The following CPS1 variants were observed in gnomAD, a reference collection of about 807,000 sequenced individuals.
CPS1 encodes the protein carbamoyl-phosphate synthase [ammonia], mitochondrial.
In CPS1, 109 loss-of-function variants were observed where a neutral mutation model predicts 174.6. The ratio of observed to expected loss-of-function variants is 0.62; its 90% CI spans 0.53 to 0.73. CPS1 has a LOEUF of 0.73. CPS1 is among the 30% of genes least tolerant of loss of function. The pLI, the probability that CPS1 is intolerant of heterozygous loss-of-function variation, is 0.00. For synonymous variants in CPS1, 637 were observed against 632.0 expected, an observed-to-expected ratio of 1.01 and a Z score of -0.12; for missense variants, 1,689 against 1,821.9, an observed-to-expected ratio of 0.93 and a Z score of 1.33.
At chr2:210,599,340 A>C (rs778568418) in intron 13 of CPS1, 32 bp from the exon 14 acceptor site, 3 of 1,598,654 alleles carry the variant, frequency 1.9e-6, no homozygotes, top group Admixed American at 1.7e-5. Context: ...TAGACCATAT[A>C]TTCATGTACT....
intron 33 of CPS1, among the ~76,000 whole-genome samples, chr2:210,664,015 C>T (rs1450469294): frequency 2.6e-5 from 4 of 152,048 alleles, no homozygotes; most frequent in Non-Finnish European, 5.9e-5. Context: ...ATATGGTTGC[C>T]TGGTTACAAG....
At chr2:210,564,597 C>T (rs912819413) in intron 1 of CPS1, among the ~76,000 whole-genome samples, 7 of 151,962 alleles carry the variant, frequency 4.6e-5, no homozygotes, top group Admixed American at 1.3e-4. Context: ...AGGATGGTCT[C>T]GATCTCCTGA....
In CPS1 at chr2:210,648,533, G is replaced by A; in HGVS notation, c.3397G>A (p.Val1133Ile). Residue 1133 changes from valine (V) to isoleucine (I), a missense_variant, in exon 27 of 38, where the codon GTT becomes ATT. Physicochemically the swap from Val to Ile is conservative, Grantham distance 29. Coordinates refer to ENST00000233072, the MANE Select transcript of CPS1 (RefSeq NM_001875.5). ...CCCCTGCTTGTTGAGGCCTTCCTAT[G>A]TTTTGAGGTAACACTGTATATTGTT... ...DYPCLLRPSY[V>I]LSGSAMNVVF... is the part of the protein sequence containing the mutation. The A allele has an allele frequency of 1.9e-6, 3 of 1,613,202 alleles. No homozygotes were observed. Among genetic ancestry groups the A allele is most frequent in the Non-Finnish European group, 2.5e-6 (3 of 1,179,412 alleles).
At chr2:210,594,877 A>G (rs1304747895) in intron 12 of CPS1, among the ~76,000 whole-genome samples, 2 of 151,984 alleles carry the variant, frequency 1.3e-5, no homozygotes, top group Non-Finnish European at 2.9e-5. Flanking sequence ...TGTTTAGTTT[A>G]GAATTTATTT....
At chr2:210,500,389 A>G (rs1451895848) in intron 1 of CPS1, among the ~76,000 whole-genome samples, 2 of 152,190 alleles carry the variant, frequency 1.3e-5, no homozygotes. Flanking sequence ...CCAAAGTTTC[A>G]TCTGAGATAA....
intron 1 of CPS1, among the ~76,000 whole-genome samples, chr2:210,536,541 T>C (rs982070154): frequency 1.3e-5 from 2 of 152,248 alleles, no homozygotes; most frequent in African/African-American, 4.8e-5. Flanking sequence ...TTAGCCAGGA[T>C]GGCTACGATC....
intron 1 of CPS1, among the ~76,000 whole-genome samples, chr2:210,528,850 G>C (rs1696043275): frequency 6.8e-6 from 1 of 146,874 alleles, no homozygotes; most frequent in Non-Finnish European, 1.5e-5. Flanking sequence ...AGCTTCCTCG[G>C]AAAATTTGAC....
chr2:210,479,756 G>A (rs1694511477), intron 1 of CPS1, among the ~76,000 whole-genome samples: 1 of 152,166 alleles, frequency 6.6e-6, no homozygotes, highest in Admixed American at 6.5e-5. Context: ...AAATTTGACA[G>A]TTATAATTTT....
intron 5 of CPS1, 100 bp downstream of exon 5, chr2:210,579,870 G>A (rs1455668243): frequency 1.0e-6 from 1 of 958,298 alleles, no homozygotes; most frequent in Non-Finnish European, 1.7e-6. Context: ...CCATTAATAT[G>A]TAAAGGAGTG....
rs748546435 is a variant in CPS1, at chr2:210,579,697, C to A, written c.472-17C>A. 6.2e-6 allele frequency: 10 copies of A among 1,606,916 alleles called. No individual in the cohort carries two copies. Among genetic ancestry groups the A allele is most frequent in the Non-Finnish European group, 8.5e-6 (10 of 1,173,944 alleles). On this transcript the variant is annotated splice_polypyrimidine_tract_variant and intron_variant, in intron 4 of 37. Transcript: ENST00000233072. ...ATCTCCTCCAATTTCACTGTCACTA[C>A]AATTTTTTTCTTATAGGTTCCTGCA...
At chr2:210,485,833 A>T (rs1694701113) in intron 1 of CPS1, among the ~76,000 whole-genome samples, 1 of 152,038 alleles carries the variant, frequency 6.6e-6, no homozygotes, top group South Asian at 2.1e-4. Flanking sequence ...GTACTTTAAG[A>T]AACTAATAAA....
chr2:210,512,185 T>C (rs1430643695), intron 1 of CPS1, among the ~76,000 whole-genome samples: 3 of 152,080 alleles, frequency 2.0e-5, no homozygotes, highest in Non-Finnish European at 4.4e-5. Flanking sequence ...TATTTACTTA[T>C]GTTTTTCTTT....
Position 210,608,403 on chromosome 2 carries a change from C to G in CPS1, c.2235C>G (p.Ile745Met). ...TTGCTGCAAAGATTGCCCTAGGAAT[C>G]CCACTTCCAGAAATTAAGAACGTCG... ...AFIAAKIALG[I>M]PLPEIKNVVS... is the part of the protein sequence containing the mutation. The change falls in exon 19 of 38, where the codon ATC becomes ATG. Residue 745 changes from isoleucine (I) to methionine (M), a missense_variant. Coordinates refer to ENST00000233072, the MANE Select transcript of CPS1 (RefSeq NM_001875.5). 1.9e-6 allele frequency: 3 copies of G among 1,612,364 alleles called. No homozygotes were observed. Among genetic ancestry groups the G allele is most frequent in the Non-Finnish European group, 2.5e-6 (3 of 1,178,900 alleles).
chr2:210,665,921 A>G (rs1701081631), intron 33 of CPS1, among the ~76,000 whole-genome samples: 2 of 139,870 alleles, frequency 1.4e-5, no homozygotes, highest in South Asian at 5.1e-4. Context: ...ACAATGGTTG[A>G]ACTAGTTTAC....
intron 25 of CPS1, 62 bp downstream of exon 25, chr2:210,642,727 A>G: frequency 7.1e-7 from 1 of 1,417,856 alleles, no homozygotes; most frequent in Non-Finnish European, 9.8e-7. Context: ...TATACACTTT[A>G]TATATATGCA....
At chr2:210,526,829 G>A (rs570963880) in intron 1 of CPS1, among the ~76,000 whole-genome samples, 1 of 152,028 alleles carries the variant, frequency 6.6e-6, no homozygotes, top group Non-Finnish European at 1.5e-5. Context: ...TCAATTGCAA[G>A]CATAGTATTG....
chr2:210,519,157 T>A (rs1050971920), intron 1 of CPS1, among the ~76,000 whole-genome samples: 2 of 152,072 alleles, frequency 1.3e-5, no homozygotes, highest in Non-Finnish European at 2.9e-5. Flanking sequence ...GTCCCATCTT[T>A]ACACATTAAT....
intron 25 of CPS1, among the ~76,000 whole-genome samples, chr2:210,643,059 G>C (rs901664540): frequency 1.3e-5 from 2 of 152,196 alleles, no homozygotes; most frequent in African/African-American, 4.8e-5. Context: ...TAGTTTGTGT[G>C]ATGTGGTTTA....
At chr2:210,671,371 C>T (rs774222920) in intron 34 of CPS1, among the ~76,000 whole-genome samples, 5 of 152,154 alleles carry the variant, frequency 3.3e-5, no homozygotes, top group African/African-American at 4.8e-5. Context: ...CAGAGGTCCC[C>T]GTAGAATCCA....
Sources: allele counts gnomAD v4.1 joint callset (sites outside exome capture counted in the v4.1 genomes callset), GRCh38; gene constraint gnomAD v4.1.1; transcripts MANE v1.5; gene names NCBI Gene and HGNC (gene_info 2026-07-23, HGNC 2026-07-21).